FN1: variants seen among roughly 807,000 people sequenced by gnomAD.
FN1 encodes fibronectin 1, also known as fibronectin.
In FN1, 106 loss-of-function variants were observed where a neutral mutation model predicts 297.3. The ratio of observed to expected loss-of-function variants is 0.36; its 90% CI spans 0.30 to 0.42. The LOEUF (loss-of-function observed/expected upper bound fraction) is 0.42, where lower values mean the gene tolerates loss of function less well. FN1 is among the 10% of genes least tolerant of loss of function. FN1 has a pLI of 1.00. For synonymous variants in FN1, 1,149 were observed against 1,152.6 expected (o/e 1.00, Z 0.06); for missense variants, 2,690 against 3,124.9 (o/e 0.86, Z 3.32).
chr2:215,407,750 G>A (rs1291904788), intron 17 of FN1, among the ~76,000 whole-genome samples: 3 of 152,098 alleles, frequency 2.0e-5, no homozygotes, highest in African/African-American at 4.8e-5. Context: ...GAGCTAAGAC[G>A]ACAGCTCAGC....
chr2:215,375,331 A>G lies in FN1; in HGVS notation c.6040T>C (p.Trp2014Arg). The G allele has an allele frequency of 6.2e-7, 1 of 1,614,160 alleles. No homozygotes were observed. Among genetic ancestry groups the G allele is most frequent in the Non-Finnish European group, 8.5e-7 (1 of 1,180,014 alleles). ...ATTPNSLLVSWQPPRARITGY... is the reference protein window; with the variant it reads ...ATTPNSLLVSRQPPRARITGY... The stretch of plus-strand genomic sequence containing the variant: ...GTAATCCTGGCACGTGGCGGCTGCC[A>G]TGATACCAGCAAGGAATTGGGTGTG... Residue 2014 changes from tryptophan to arginine, a missense_variant, in exon 38 of 46, where the codon TGG becomes CGG. Trp to Arg is a moderately radical substitution (Grantham distance 101, BLOSUM62 -3). Transcript: ENST00000354785.
chr2:215,431,129 C>T (rs577734287), intron 4 of FN1, among the ~76,000 whole-genome samples: 1 of 152,202 alleles, frequency 6.6e-6, no homozygotes, highest in South Asian at 2.1e-4. Flanking sequence ...AGCAGCATTT[C>T]CAGTAGCAAG....
chr2:215,371,278 A>T (rs1343606878), intron 40 of FN1, among the ~76,000 whole-genome samples: 1 of 152,008 alleles, frequency 6.6e-6, no homozygotes, highest in Non-Finnish European at 1.5e-5. Context: ...GGGGAAAAAA[A>T]AAAATGGATA....
chr2:215,377,177 T>C (rs955413180), intron 35 of FN1, among the ~76,000 whole-genome samples: 1 of 151,964 alleles, frequency 6.6e-6, no homozygotes, highest in Non-Finnish European at 1.5e-5. Flanking sequence ...CTTTTATAAA[T>C]GATAAAACTT....
chr2:215,430,770 C>T lies in FN1; in HGVS notation c.630G>A (p.Met210Ile). The T allele has an allele frequency of 6.2e-7, 1 of 1,614,136 alleles. No individual in the cohort carries two copies. Among genetic ancestry groups the T allele is most frequent in the Non-Finnish European group, 8.5e-7 (1 of 1,179,998 alleles). ...TWEKPYQGWM[M>I]VDCTCLGEGS... ...CTTCTCCCAGGCAAGTACAATCTAC[C>T]ATCATCCAGCCTTGGTAGGGCTTCT... Residue 210 changes from methionine (M) to isoleucine (I), a missense_variant, in exon 5 of 46, where the codon ATG becomes ATA. Met to Ile is a conservative substitution (Grantham distance 10). Coordinates refer to ENST00000354785, the MANE Select transcript of FN1 (RefSeq NM_212482.4).
chr2:215,388,308 G>C lies in FN1; in HGVS notation c.4253-7C>G, dbSNP rs1490947741. The C allele has an allele frequency of 1.3e-6, 2 of 1,597,902 alleles. No homozygotes were observed. The highest frequency in any genetic ancestry group is 3.3e-5 in the Admixed American group (2 of 60,010). On this transcript the variant is annotated splice_polypyrimidine_tract_variant and splice_region_variant and intron_variant, in intron 26 of 45. Coordinates refer to ENST00000354785, the MANE Select transcript of FN1 (RefSeq NM_212482.4). ...TCTGTACCAGGCAGGAGATCTGTAGGGGCAAATGGGGCTTATTTTAAAACT... is the reference window on the plus strand; with the variant it reads ...TCTGTACCAGGCAGGAGATCTGTAGCGGCAAATGGGGCTTATTTTAAAACT...
Position 215,404,539 on chromosome 2 carries a change from G to C in FN1, c.3103C>G (p.Arg1035Gly). Residue 1035 changes from arginine (R) to glycine (G), a missense_variant, in exon 20 of 46, where the codon CGA (arginine) becomes GGA (glycine). Physicochemically the swap from Arg to Gly is moderately radical, Grantham distance 125 (BLOSUM62 -2). Around this residue, in one of 3 missense-constraint regions of FN1, gnomAD observed 1,743 missense variants for 1,945.2 expected, o/e 0.90. Transcript: ENST00000354785. Reference protein sequence around the residue: ...TGYRLTVGLTRRGQPRQYNVG... With the variant: ...TGYRLTVGLTGRGQPRQYNVG... ...TTGTACTGCCTGGGCTGTCCTCTTC[G>C]GGTAAGGCCCACGGTCAGTCGGTAT... 2 of 1,614,054 alleles carry C rather than the reference G, an allele frequency of 1.2e-6. No homozygotes were observed. Among genetic ancestry groups the C allele is most frequent in the South Asian group, 1.1e-5 (1 of 91,074 alleles).
In FN1 at chr2:215,373,420, A is replaced by G. The variant is rs772698004; in HGVS notation, c.6158-9T>C. 9 of 1,607,596 alleles carry G rather than the reference A, an allele frequency of 5.6e-6. No homozygotes were observed. In the Admixed American group the frequency reaches 1.5e-4, roughly 27 times the overall value. On this transcript the variant is annotated splice_polypyrimidine_tract_variant and intron_variant, in intron 38 of 45. Transcript: ENST00000354785. ...GGTTCCCGGTTCCAGGCCTGAAGGG[A>G]GAATAGAACCATCACATTATGTCAA...
chr2:215,400,642 C>G (rs930867235), intron 20 of FN1, among the ~76,000 whole-genome samples: 4 of 143,842 alleles, frequency 2.8e-5, no homozygotes, highest in African/African-American at 1.0e-4. Context: ...ATCCTAGCTG[C>G]TTGGGAAGCT....
rs10577918 is a variant in FN1, at chr2:215,365,806, ATTTT to A, written c.7019-180_7019-177del. 517 of 251,880 alleles carry A rather than the reference ATTTT, an allele frequency of 2.1e-3. 2 individuals are homozygous for A. The highest frequency in any genetic ancestry group is 0.011 in the African/African-American group (439 of 40,954). The allele number at this position is 251,880 out of a possible 1,614,324, so 15.6% of individuals were successfully genotyped here. A position where few individuals can be genotyped will look rare whatever the true frequency, so the allele number is the denominator to read the frequency against. On this transcript the variant is annotated intron_variant, in intron 42 of 45. Transcript: ENST00000354785. ...TATTTTATTTATTTATTTACTTTTT[ATTTT>A]TTTTTTTTTTTTTGAGACAAAGTCT...
intron 35 of FN1, among the ~76,000 whole-genome samples, chr2:215,377,589 C>T (rs2106315207): frequency 6.6e-6 from 1 of 152,294 alleles, no homozygotes; most frequent in Non-Finnish European, 1.5e-5. Flanking sequence ...AAGATACCAG[C>T]ACCATGCTTC....
Position 215,361,503 on chromosome 2 carries a change from A to T in FN1, c.*52T>A, listed in dbSNP as rs2053424150. The stretch of plus-strand genomic sequence containing the variant: ...GGGTCTGCTAACATCACTCCAGTTT[A>T]GATGGATCTTGGCAGAGAGACATGC... On this transcript the variant is annotated 3_prime_UTR_variant, in exon 46 of 46. Coordinates refer to ENST00000354785, the MANE Select transcript of FN1 (RefSeq NM_212482.4). 6 of 1,273,118 alleles carry T rather than the reference A, an allele frequency of 4.7e-6. No individual in the cohort carries two copies. In the East Asian group the frequency reaches 1.2e-4, roughly 24 times the overall value. The allele number at this position is 1,273,118 out of a possible 1,614,324, so 78.9% of individuals were successfully genotyped here.
Position 215,364,210 on chromosome 2 carries a change from C to T in FN1, c.7251+669G>A, listed in dbSNP as rs531578473. 3.9e-4 allele frequency among the ~76,000 whole-genome samples: 59 copies of T among 152,316 alleles called. 1 individual carries two copies. The highest frequency in any genetic ancestry group is 1.4e-3 in the African/African-American group (58 of 41,590). Reference sequence around the variant, plus strand: ...CCATTTCTCATTTCCTCTGTTTTTCCTATACTACTTAGCACAGTGCTAGAC... The same window carrying T: ...CCATTTCTCATTTCCTCTGTTTTTCTTATACTACTTAGCACAGTGCTAGAC... On this transcript the variant is annotated intron_variant, in intron 44 of 45. Coordinates refer to ENST00000354785, the MANE Select transcript of FN1 (RefSeq NM_212482.4).
chr2:215,368,014 C>T lies in FN1; in HGVS notation c.6867G>A (p.Leu2289=). ...AGCACGAGTCATCCGTAGGTTGGTT[C>T]AAGCCTTCGTTGACTATGAAGAAAA... is the stretch of plus-strand genomic sequence containing the variant. ...VTVGNSVNEG[L]NQPTDDSCFD... Residue 2289 remains leucine, a synonymous_variant, in exon 42 of 46, where the codon TTG becomes TTA. Transcript: ENST00000354785. The T allele has an allele frequency of 6.2e-7, 1 of 1,614,118 alleles. No homozygotes were observed. Among genetic ancestry groups the T allele is most frequent in the Non-Finnish European group, 8.5e-7 (1 of 1,179,988 alleles).
chr2:215,429,545 T>A (rs2066095508), intron 5 of FN1, among the ~76,000 whole-genome samples: 1 of 152,154 alleles, frequency 6.6e-6, no homozygotes, highest in Non-Finnish European at 1.5e-5. Context: ...AGAATAGAAG[T>A]TTGCATGAAG....
intron 20 of FN1, among the ~76,000 whole-genome samples, chr2:215,403,785 C>T (rs369441866): frequency 3.3e-5 from 5 of 152,122 alleles, no homozygotes; most frequent in African/African-American, 1.2e-4. Flanking sequence ...AAGAAAAGAG[C>T]GATTCCGTCT....
chr2:215,393,348 T>C (rs978738214), intron 24 of FN1, 145 bp from the exon 25 acceptor site: 2 of 735,596 alleles, frequency 2.7e-6, no homozygotes, highest in African/African-American at 3.6e-5. Flanking sequence ...CAATCTGTTT[T>C]AAATTCTCTG....
Position 215,391,834 on chromosome 2 carries a change from A to G in FN1, c.4070-20T>C. On this transcript the variant is annotated intron_variant, in intron 25 of 45. Coordinates refer to ENST00000354785, the MANE Select transcript of FN1 (RefSeq NM_212482.4). The stretch of plus-strand genomic sequence containing the variant: ...GAACAGCTGGTTTCGAACAAGAAGG[A>G]AGACTCAGTTAATGTAATTTTAAAA... The G allele has an allele frequency of 6.2e-7, 1 of 1,610,708 alleles. No homozygotes were observed. Among genetic ancestry groups the G allele is most frequent in the Non-Finnish European group, 8.5e-7 (1 of 1,176,922 alleles).
At chr2:215,420,027 T>C (rs1177415400) in intron 11 of FN1, among the ~76,000 whole-genome samples, 2 of 152,174 alleles carry the variant, frequency 1.3e-5, no homozygotes, top group Admixed American at 6.5e-5. Flanking sequence ...GCCTTCACTA[T>C]TTGCTTAGTT....
Sources: gnomAD v4.1 joint callset for allele counts (sites outside exome capture counted in the v4.1 genomes callset) on GRCh38, gnomAD v4.1.1 for gene constraint, gnomAD v4.1.1 regional missense constraint, MANE v1.5 for transcripts, NCBI Gene and HGNC (gene_info 2026-07-23, HGNC 2026-07-21) for gene names.